The following IRS1 variants were observed in gnomAD, a reference collection of about 807,000 sequenced individuals.
IRS1 encodes insulin receptor substrate 1.
In IRS1, 34 loss-of-function variants were observed where a neutral mutation model predicts 65.6. That is an observed-to-expected ratio of 0.52 (90% CI 0.39 to 0.69). The LOEUF is 0.69. Ranked by LOEUF, IRS1 falls within the 30% of genes least tolerant of loss-of-function variation. The pLI, the probability that IRS1 is intolerant of heterozygous loss-of-function variation, is 0.00. For synonymous variants in IRS1, 699 were observed against 683.5 expected, an observed-to-expected ratio of 1.02 and a Z score of -0.35; for missense variants, 1,641 against 1,720.2, an observed-to-expected ratio of 0.95 and a Z score of 0.81.
rs778839568 is a variant in IRS1, at chr2:226,796,370, C to T, written c.2369G>A (p.Arg790His). 20 of 1,613,344 alleles carry T rather than the reference C, an allele frequency of 1.2e-5. No homozygotes were observed. The highest frequency in any genetic ancestry group is 4.4e-5 in the South Asian group (4 of 91,088). Reference protein sequence around the residue: ...PEEGARHQHLRLSTSSGRLLY... With the variant: ...PEEGARHQHLHLSTSSGRLLY... ...AAGGCGACCAGAGCTAGTGGAAAGG[C>T]GGAGGTGCTGATGCCGGGCACCCTC... The change falls in exon 1 of 2, where the codon CGC becomes CAC. Residue 790 changes from arginine (R) to histidine (H), a missense_variant. Arg to His is a conservative substitution (Grantham distance 29, BLOSUM62 0). This residue lies in a region of IRS1 where 1,324 missense variants were observed against 1,361.0 expected (regional missense o/e 0.97). Transcript: ENST00000305123.
chr2:226,732,930 T>C lies in IRS1; in HGVS notation c.*3342A>G, dbSNP rs1308709929. Reference sequence around the variant, plus strand: ...CTGGATTCAGGGCCTCCTTGTGTGATGGACTAACCTACAGAGTGCTCTGCA... The same window carrying C: ...CTGGATTCAGGGCCTCCTTGTGTGACGGACTAACCTACAGAGTGCTCTGCA... On this transcript the variant is annotated 3_prime_UTR_variant, in exon 2 of 2. Transcript: ENST00000305123. 2.0e-5 allele frequency: 3 copies of C among 152,194 alleles called. No homozygotes were observed. The highest frequency in any genetic ancestry group is 4.8e-5 in the African/African-American group (2 of 41,450). 9.4% of individuals were successfully genotyped at this position (152,194 alleles called of 1,614,324 possible). A position where few individuals can be genotyped will look rare whatever the true frequency, so the allele number is the denominator to read the frequency against.
chr2:226,779,913 A>G (rs1428540577), intron 1 of IRS1, among the ~76,000 whole-genome samples: 2 of 152,236 alleles, frequency 1.3e-5, no homozygotes, highest in African/African-American at 4.8e-5. Flanking sequence ...ACATCTTAGC[A>G]GAGTACCTAC....
chr2:226,733,760 G>C lies in IRS1; in HGVS notation c.*2512C>G, dbSNP rs1938274342. On this transcript the variant is annotated 3_prime_UTR_variant, in exon 2 of 2. Coordinates refer to ENST00000305123, the MANE Select transcript of IRS1 (RefSeq NM_005544.3). The stretch of plus-strand genomic sequence containing the variant: ...TCAAAGGAAACCCTTCGTGTCGCCA[G>C]AGTATGAACTTTTGGTTTGAGTACC... 6.6e-6 allele frequency: 1 copy of C among 152,204 alleles called. No individual in the cohort carries two copies. Among genetic ancestry groups the C allele is most frequent in the South Asian group, 2.1e-4 (1 of 4,832 alleles). 9.4% of individuals were successfully genotyped at this position (152,204 alleles called of 1,614,324 possible).
intron 1 of IRS1, among the ~76,000 whole-genome samples, chr2:226,773,267 C>T (rs1301450803): frequency 6.6e-6 from 1 of 152,102 alleles, no homozygotes; most frequent in Non-Finnish European, 1.5e-5. Flanking sequence ...TGCAAAGATT[C>T]ATTTTGGTGA....
chr2:226,745,333 T>C (rs1189343412), intron 1 of IRS1, among the ~76,000 whole-genome samples: 4 of 152,300 alleles, frequency 2.6e-5, no homozygotes, highest in African/African-American at 9.6e-5. Context: ...GTGAGTAACC[T>C]GTATGCGATT....
intron 1 of IRS1, among the ~76,000 whole-genome samples, chr2:226,761,345 CA>C (rs1405106261): frequency 1.3e-5 from 2 of 152,228 alleles, no homozygotes; most frequent in South Asian, 2.1e-4. Context: ...AGGACAACTA[CA>C]GGGGGCACTA....
At chr2:226,760,220 C>G (rs945337200) in intron 1 of IRS1, among the ~76,000 whole-genome samples, 6 of 152,146 alleles carry the variant, frequency 3.9e-5, no homozygotes, top group Non-Finnish European at 8.8e-5. Flanking sequence ...AGTCTACCAT[C>G]CAAATGAGTC....
chr2:226,759,281 C>A (rs1386369555), intron 1 of IRS1, among the ~76,000 whole-genome samples: 1 of 152,194 alleles, frequency 6.6e-6, no homozygotes, highest in Non-Finnish European at 1.5e-5. Flanking sequence ...ATTCTCTCTA[C>A]AAAGGAAAAC....
rs77817078 is a variant in IRS1 at position 226,775,028 on chromosome 2, T to C, written c.*21+19961A>G. 6.4e-4 allele frequency among the ~76,000 whole-genome samples: 97 copies of C among 152,294 alleles called. 1 individual carries two copies. The highest frequency in any genetic ancestry group is 2.2e-3 in the African/African-American group (90 of 41,570). ...TACTGTAATGGTAAATACAAGTAAT[T>C]AAGCATTTGTCAAAACCCAGAGAAT... is the stretch of plus-strand genomic sequence containing the variant. On this transcript the variant is annotated intron_variant, in intron 1 of 1. Coordinates refer to ENST00000305123, the MANE Select transcript of IRS1 (RefSeq NM_005544.3).
intron 1 of IRS1, among the ~76,000 whole-genome samples, chr2:226,750,004 T>A (rs1574643377): frequency 2.6e-5 from 4 of 152,136 alleles, no homozygotes; most frequent in African/African-American, 9.6e-5. Context: ...AATCTCAGCA[T>A]TTTGGGAGGC....
intron 1 of IRS1, among the ~76,000 whole-genome samples, chr2:226,777,169 A>C (rs1939290512): frequency 6.6e-6 from 1 of 152,162 alleles, no homozygotes; most frequent in South Asian, 2.1e-4. Context: ...GTTAACAATA[A>C]TGTGTCACAT....
At chr2:226,771,925 T>C (rs1390722715) in intron 1 of IRS1, among the ~76,000 whole-genome samples, 1 of 152,238 alleles carries the variant, frequency 6.6e-6, no homozygotes, top group African/African-American at 2.4e-5. Flanking sequence ...TACTTACAGC[T>C]TGTAACATAA....
At position 226,734,624 on chromosome 2, in the gene IRS1, A is replaced by T. The variant is rs1015745498; in HGVS notation, c.*1648T>A. 2.0e-5 allele frequency: 3 copies of T among 152,192 alleles called. No homozygotes were observed. Among genetic ancestry groups the T allele is most frequent in the African/African-American group, 7.2e-5 (3 of 41,434 alleles). 9.4% of individuals were successfully genotyped at this position (152,192 alleles called of 1,614,324 possible). On this transcript the variant is annotated 3_prime_UTR_variant, in exon 2 of 2. Transcript: ENST00000305123. ...GAAATAAAATGTTGCTCCTCCCAAT[A>T]GTAGGGATGCGAATTCCTGATAGAG...
At chr2:226,790,928 T>C (rs568630305) in intron 1 of IRS1, among the ~76,000 whole-genome samples, 65 of 152,282 alleles carry the variant, frequency 4.3e-4, no homozygotes, top group Non-Finnish European at 7.5e-4. Flanking sequence ...CTGTCAATGA[T>C]GGAAAAATGA....
At chr2:226,736,300 C>G (rs1938324163) in intron 1 of IRS1, 50 bp from the exon 2 acceptor site, 1 of 152,198 alleles carries the variant, frequency 6.6e-6, no homozygotes, top group African/African-American at 2.4e-5. Context: ...TCAAACTGCA[C>G]AATCACTACT....
rs1938271016 is a variant in IRS1 at position 226,733,613 on chromosome 2, C to G, written c.*2659G>C. The stretch of plus-strand genomic sequence containing the variant: ...AAAAACCCACTAACTTCTAGGTTAA[C>G]CAGAGGCCACTAGAAGCCTCAATAA... On this transcript the variant is annotated 3_prime_UTR_variant, in exon 2 of 2. Transcript: ENST00000305123. 6.6e-6 allele frequency: 1 copy of G among 152,216 alleles called. No homozygotes were observed. The highest frequency in any genetic ancestry group is 1.9e-4 in the East Asian group (1 of 5,196). 9.4% of individuals were successfully genotyped at this position (152,216 alleles called of 1,614,324 possible). A position where few individuals can be genotyped will look rare whatever the true frequency, so the allele number is the denominator to read the frequency against.
At chr2:226,747,268 A>G (rs981665435) in intron 1 of IRS1, among the ~76,000 whole-genome samples, 3 of 152,050 alleles carry the variant, frequency 2.0e-5, no homozygotes, top group African/African-American at 7.2e-5. Context: ...ATGGACTGAA[A>G]CATGTCTTTC....
chr2:226,753,848 A>G (rs1171877875), intron 1 of IRS1, among the ~76,000 whole-genome samples: 1 of 152,034 alleles, frequency 6.6e-6, no homozygotes, highest in Non-Finnish European at 1.5e-5. Context: ...GCACTGATTG[A>G]TTGATTGATT....
intron 1 of IRS1, among the ~76,000 whole-genome samples, chr2:226,790,844 A>G (rs1939577877): frequency 6.6e-6 from 1 of 152,164 alleles, no homozygotes; most frequent in African/African-American, 2.4e-5. Context: ...TGGTTACTGG[A>G]GGGTACACAA....
Sources: allele counts gnomAD v4.1 joint callset (sites outside exome capture counted in the v4.1 genomes callset), GRCh38; gene constraint gnomAD v4.1.1; regional missense constraint gnomAD v4.1.1; transcripts MANE v1.5; gene names NCBI Gene and HGNC (gene_info 2026-07-23, HGNC 2026-07-21).